Variants in SMAD1 observed in about 807,000 individuals in gnomAD.
SMAD1 encodes MAD, mothers against decapentaplegic homolog 1.
Under a neutral mutation model 41.6 loss-of-function variants are expected in SMAD1, and 6 were observed. The observed-to-expected ratio is 0.14, with a 90% CI of 0.08 to 0.28. SMAD1 has a LOEUF of 0.28. Ranked by LOEUF, SMAD1 falls within the 10% of genes least tolerant of loss-of-function variation. SMAD1 has a pLI of 1.00. For synonymous variants in SMAD1, 206 were observed against 203.2 expected (o/e 1.01, Z -0.12); for missense variants, 379 against 582.6 (o/e 0.65, Z 3.60).
At chr4:145,481,268 G>A (rs1432871527), upstream of SMAD1, 4 of 152,158 alleles carry the variant, frequency 2.6e-5, no homozygotes, top group Non-Finnish European at 5.9e-5. Context: ...TGTTGACTCA[G>A]GGTTTGTATA....
upstream of SMAD1, chr4:145,481,256 T>C (rs1293354359): frequency 6.6e-6 from 1 of 152,160 alleles, no homozygotes; most frequent in African/African-American, 2.4e-5. Flanking sequence ...ACAAAACGCA[T>C]CTGTTGACTC....
chr4:145,526,645 T>C (rs1731032108), intron 2 of SMAD1, among the ~76,000 whole-genome samples: 1 of 151,292 alleles, frequency 6.6e-6, no homozygotes, highest in African/African-American at 2.4e-5. Flanking sequence ...TATAAACCAC[T>C]GGGAGAAAAA....
At chr4:145,520,611 T>G (rs1438598227) in intron 2 of SMAD1, among the ~76,000 whole-genome samples, 1 of 152,216 alleles carries the variant, frequency 6.6e-6, no homozygotes, top group East Asian at 1.9e-4. Flanking sequence ...AGAAAATTGC[T>G]CTTTCCAGAG....
rs1460276874 is a variant in SMAD1 at position 145,482,075 on chromosome 4, A to T, written c.-177+37A>T. The stretch of plus-strand genomic sequence containing the variant: ...CAGACCCGAACCGAACTTTCCCTTC[A>T]TGCCGCGTCCCAGCCCTCCCCTCGG... On this transcript the variant is annotated intron_variant, in intron 1 of 6. Transcript: ENST00000302085. The surrounding 1 kb of genome is among the most constrained non-coding windows in gnomAD (Gnocchi z 4.2). 6.6e-6 allele frequency: 1 copy of T among 151,978 alleles called. No individual in the cohort carries two copies. The highest frequency in any genetic ancestry group is 1.5e-5 in the Non-Finnish European group (1 of 68,078). The allele number at this position is 151,978 out of a possible 1,614,324, so 9.4% of individuals were successfully genotyped here. A position where few individuals can be genotyped will look rare whatever the true frequency, so the allele number is the denominator to read the frequency against.
intron 2 of SMAD1, among the ~76,000 whole-genome samples, chr4:145,525,182 T>C (rs1173914306): frequency 6.6e-6 from 1 of 152,228 alleles, no homozygotes; most frequent in Non-Finnish European, 1.5e-5. Context: ...TGGTGCTAGA[T>C]ATCAAAAGGC....
In SMAD1 at chr4:145,546,772, G is replaced by A. The variant is rs1732275772; in HGVS notation, c.845G>A (p.Arg282His). 3.1e-6 allele frequency: 5 copies of A among 1,614,062 alleles called. No homozygotes were observed. The highest frequency in any genetic ancestry group is 3.4e-6 in the Non-Finnish European group (4 of 1,179,970). The part of the protein sequence containing the change: ...CSIVYYELNN[R>H]VGEAFHASST... Reference sequence around the variant, plus strand: ...ATTGTCTACTATGAGCTCAACAATCGTGTGGGTGAAGCGTTCCATGCCTCC... The same window carrying A: ...ATTGTCTACTATGAGCTCAACAATCATGTGGGTGAAGCGTTCCATGCCTCC... Residue 282 changes from arginine to histidine, a missense_variant, in exon 5 of 7, where the codon CGT becomes CAT. This residue lies in a region of SMAD1 where 208 missense variants were observed against 210.5 expected (regional missense o/e 0.99). Transcript: ENST00000302085.
At chr4:145,510,939 C>CT (rs1380294975) in intron 1 of SMAD1, among the ~76,000 whole-genome samples, 2 of 152,050 alleles carry the variant, frequency 1.3e-5, no homozygotes, top group African/African-American at 4.8e-5. Context: ...ATAAAATGTC[C>CT]TTTTTTTCTT....
At chr4:145,497,666 ATTACT>A (rs1458545985) in intron 1 of SMAD1, 1 of 152,216 alleles carries the variant, frequency 6.6e-6, no homozygotes, top group African/African-American at 2.4e-5. Context: ...TGGTAAATAA[ATTACT>A]TTAGGGAAGT....
At chr4:145,515,089 T>A in intron 2 of SMAD1, 76 bp downstream of exon 2, 8 of 1,389,144 alleles carry the variant, frequency 5.8e-6, no homozygotes, top group Non-Finnish European at 7.9e-6. Context: ...ATGAAAATAA[T>A]CCCTTTGCTT....
At chr4:145,543,911 CTT>C (rs1732094362) in intron 4 of SMAD1, among the ~76,000 whole-genome samples, 1 of 152,246 alleles carries the variant, frequency 6.6e-6, no homozygotes, top group Non-Finnish European at 1.5e-5. Flanking sequence ...CTAGGTATGT[CTT>C]GTTTCATTTT....
In SMAD1 at chr4:145,531,522, A is replaced by G. The variant is rs115445755; in HGVS notation, c.401-8282A>G. ...TGTCCTGAGATTCAACTTAGATGCC[A>G]TCTGGGGCTGAGCTTTGGACATTAC... On this transcript the variant is annotated intron_variant, in intron 2 of 6. Transcript: ENST00000302085. Among the ~76,000 whole-genome samples the G allele has an allele frequency of 9.2e-3, 1,407 of 152,258 alleles. 18 individuals are homozygous for G. Among genetic ancestry groups the G allele is most frequent in the Non-Finnish European group, 0.014 (977 of 68,018 alleles).
At chr4:145,489,735 T>A (rs1286944855) in intron 1 of SMAD1, among the ~76,000 whole-genome samples, 1 of 152,156 alleles carries the variant, frequency 6.6e-6, no homozygotes, top group Non-Finnish European at 1.5e-5. Context: ...GAGATAAGGT[T>A]TGGGAGGACT....
chr4:145,515,161 TG>T (rs1730307386), intron 2 of SMAD1, 148 bp downstream of exon 2: 1 of 721,456 alleles, frequency 1.4e-6, no homozygotes. Context: ...TGTGTGTGTG[TG>T]TGTGTGTGTG....
chr4:145,495,718 T>A (rs1729035717), intron 1 of SMAD1, among the ~76,000 whole-genome samples: 1 of 149,708 alleles, frequency 6.7e-6, no homozygotes, highest in Non-Finnish European at 1.5e-5. Context: ...TGGGCCTAAG[T>A]GATCCTCCTG....
intron 2 of SMAD1, among the ~76,000 whole-genome samples, chr4:145,528,421 G>A (rs981153112): frequency 2.6e-5 from 4 of 150,994 alleles, no homozygotes; most frequent in Non-Finnish European, 5.9e-5. Context: ...GTATTTTTTA[G>A]TAGAGACGGG....
chr4:145,508,526 A>G (rs947378976), intron 1 of SMAD1, among the ~76,000 whole-genome samples: 9 of 152,216 alleles, frequency 5.9e-5, no homozygotes, highest in African/African-American at 2.2e-4. Context: ...TGGTTAATAG[A>G]TAAACAGCAG....
intron 1 of SMAD1, among the ~76,000 whole-genome samples, chr4:145,498,653 AC>A (rs1729235793): frequency 6.6e-6 from 1 of 152,208 alleles, no homozygotes; most frequent in South Asian, 2.1e-4. Context: ...TTAAAAATGC[AC>A]ATGTATATAC....
chr4:145,541,378 T>A (rs902588189), intron 3 of SMAD1, among the ~76,000 whole-genome samples: 8 of 152,218 alleles, frequency 5.3e-5, no homozygotes, highest in African/African-American at 1.9e-4. Context: ...GTTGTGCTGA[T>A]GCCATAGGTT....
Position 145,553,822 on chromosome 4 carries a change from G to A in SMAD1, c.1036G>A (p.Glu346Lys), listed in dbSNP as rs750014334. 10 of 1,613,664 alleles carry A rather than the reference G, an allele frequency of 6.2e-6. No homozygotes were observed. Among genetic ancestry groups the A allele is most frequent in the South Asian group, 2.2e-5 (2 of 91,068 alleles). Residue 346 changes from glutamate to lysine, a missense_variant, in exon 6 of 7, where the codon GAA (glutamate) becomes AAA (lysine). Glu to Lys is a moderately conservative substitution (Grantham distance 56, BLOSUM62 1). This residue lies in a region of SMAD1 where 107 missense variants were observed against 218.3 expected (regional missense o/e 0.49). Transcript: ENST00000302085. The stretch of plus-strand genomic sequence containing the variant: ...TTATGTTGGAGGGGAGGTGTATGCC[G>A]AATGCCTTAGTGACAGTAGCATCTT... ...LYYVGGEVYAECLSDSSIFVQ... is the reference protein window; with the variant it reads ...LYYVGGEVYAKCLSDSSIFVQ...
Sources: gnomAD v4.1 joint callset for allele counts (sites outside exome capture counted in the v4.1 genomes callset) on GRCh38, gnomAD v4.1.1 for gene constraint, gnomAD v4.1.1 regional missense constraint, Gnocchi (gnomAD v3.1) non-coding constraint, MANE v1.5 for transcripts, NCBI Gene and HGNC (gene_info 2026-07-23, HGNC 2026-07-21) for gene names.